SV2B: variants seen among roughly 807,000 people sequenced by gnomAD.
The protein encoded by SV2B is synaptic vesicle glycoprotein 2B.
In SV2B, 41 loss-of-function variants were observed where a neutral mutation model predicts 73.9. The observed-to-expected ratio is 0.56, with a 90% CI of 0.43 to 0.72. The LOEUF (loss-of-function observed/expected upper bound fraction) is 0.72, where lower values mean the gene tolerates loss of function less well. Ranked by LOEUF, SV2B falls within the 30% of genes least tolerant of loss-of-function variation. The probability of loss-of-function intolerance (pLI) is 0.00; values close to 1 mark genes in which losing one functional copy is unlikely to be tolerated. For synonymous variants in SV2B, 314 were observed against 314.2 expected, an observed-to-expected ratio of 1.00 and a Z score of 0.01; for missense variants, 764 against 857.8, an observed-to-expected ratio of 0.89 and a Z score of 1.37.
rs2042819939 is a variant in SV2B at position 91,136,221 on chromosome 15, A to G, written c.-392+35858A>G. 1.3e-5 allele frequency among the ~76,000 whole-genome samples: 2 copies of G among 152,224 alleles called. No homozygotes were observed. Among genetic ancestry groups the G allele is most frequent in the African/African-American group, 4.8e-5 (2 of 41,462 alleles). ...AGGGGCCTGCTGGAGAGAACTTAGC[A>G]GGATGCCATTCAGGTGGGCATACTC... is the stretch of plus-strand genomic sequence containing the variant. On this transcript the variant is annotated intron_variant, in intron 1 of 12. Transcript: ENST00000394232. This position sits in a 1 kb window ranked among gnomAD's most constrained non-coding sequence, Gnocchi z 5.6.
chr15:91,161,093 G>A (rs1321905550), intron 1 of SV2B, among the ~76,000 whole-genome samples: 1 of 152,172 alleles, frequency 6.6e-6, no homozygotes, highest in Non-Finnish European at 1.5e-5. Flanking sequence ...TTTATACAAA[G>A]TTTCTAGAAA....
At chr15:91,113,528 G>T (rs1037341669) in intron 1 of SV2B, among the ~76,000 whole-genome samples, 2 of 150,956 alleles carry the variant, frequency 1.3e-5, no homozygotes, top group Non-Finnish European at 2.9e-5. Flanking sequence ...AGATTAAAAG[G>T]TTATAGCTGG....
rs1321284692 is a variant in SV2B, at chr15:91,197,205, G to GT, written c.-391-28660dup. On this transcript the variant is annotated intron_variant, in intron 1 of 12. Transcript: ENST00000394232. This position sits in a 1 kb window ranked among gnomAD's most constrained non-coding sequence, Gnocchi z 4.9. Reference sequence around the variant, plus strand: ...GCTGTGATCATTGTTTTGTTTTTGTGTTTTTTTTGTTTTTTGTTTTGTTTT... The same window carrying GT: ...GCTGTGATCATTGTTTTGTTTTTGTGTTTTTTTTTGTTTTTTGTTTTGTTTT... 8.6e-4 allele frequency among the ~76,000 whole-genome samples: 128 copies of GT among 149,628 alleles called. No individual in the cohort carries two copies. Among genetic ancestry groups the GT allele is most frequent in the Admixed American group, 1.6e-3 (25 of 15,208 alleles).
chr15:91,278,678 C>CAAAAAAAAAAAA (rs746732650), intron 9 of SV2B, among the ~76,000 whole-genome samples: 454 of 42,274 alleles, frequency 0.011, 6 homozygotes, highest in Non-Finnish European at 0.016. Context: ...GACTCCGTCT[C>CAAAAAAAAAAAA]AAAAAAAAAA....
rs2042412928 is a variant in SV2B, at chr15:91,124,172, A to G, written c.-392+23809A>G. ...CTTTTCTCACCACATTCATTAAATT[A>G]TCAAAATTCTATAAGGATTTAAATG... On this transcript the variant is annotated intron_variant, in intron 1 of 12. Transcript: ENST00000394232. This position sits in a 1 kb window ranked among gnomAD's most constrained non-coding sequence, Gnocchi z 4.6. Among the ~76,000 whole-genome samples, 1 of 152,216 alleles carries G rather than the reference A, an allele frequency of 6.6e-6. No individual in the cohort carries two copies. Among genetic ancestry groups the G allele is most frequent in the African/African-American group, 2.4e-5 (1 of 41,456 alleles).
At chr15:91,202,915 C>T (rs962535953) in intron 1 of SV2B, among the ~76,000 whole-genome samples, 2 of 152,104 alleles carry the variant, frequency 1.3e-5, no homozygotes, top group Non-Finnish European at 2.9e-5. Flanking sequence ...CAGGCAATCC[C>T]TAGGAAGGAC....
chr15:91,270,113 T>G lies in SV2B; in HGVS notation c.1373+1508T>G, dbSNP rs142196152. On this transcript the variant is annotated intron_variant, in intron 9 of 12. Coordinates refer to ENST00000394232, the MANE Select transcript of SV2B (RefSeq NM_001323032.3). ...GGAAATATTGAAAACTAAGGGACAT[T>G]ATGGATGACTAGATGTCACCCATGG... 2.4e-3 allele frequency among the ~76,000 whole-genome samples: 358 copies of G among 152,304 alleles called. 1 individual carries two copies. Among genetic ancestry groups the G allele is most frequent in the African/African-American group, 8.1e-3 (337 of 41,550 alleles).
At chr15:91,108,471 G>GA (rs2041949883) in intron 1 of SV2B, among the ~76,000 whole-genome samples, 1 of 152,310 alleles carries the variant, frequency 6.6e-6, no homozygotes, top group Admixed American at 6.5e-5. Flanking sequence ...TGTTCTTCTG[G>GA]AAAGGTCTGT....
At chr15:91,238,147 G>T (rs375606775) in intron 2 of SV2B, among the ~76,000 whole-genome samples, 2 of 152,328 alleles carry the variant, frequency 1.3e-5, no homozygotes, top group East Asian at 1.9e-4. Flanking sequence ...GAATAAATCA[G>T]TTGTTTCCCA....
At chr15:91,260,438 AG>A in intron 6 of SV2B, 29 bp downstream of exon 6, 2 of 1,560,720 alleles carry the variant, frequency 1.3e-6, no homozygotes, top group Non-Finnish European at 1.7e-6. Flanking sequence ...GCCAATAAGA[AG>A]GGGGTTCTCC....
In SV2B at chr15:91,105,810, A is replaced by G. The variant is rs1411706183; in HGVS notation, c.-392+5447A>G. ...GAAGTTGTAATCCCAGCATTTTGGGAGGCCAAGGTGGGTGGATCACTTGAG... is the reference window on the plus strand; with the variant it reads ...GAAGTTGTAATCCCAGCATTTTGGGGGGCCAAGGTGGGTGGATCACTTGAG... On this transcript the variant is annotated intron_variant, in intron 1 of 12. Coordinates refer to ENST00000394232, the MANE Select transcript of SV2B (RefSeq NM_001323032.3). This position sits in a 1 kb window ranked among gnomAD's most constrained non-coding sequence, Gnocchi z 5.5. 6.6e-6 allele frequency among the ~76,000 whole-genome samples: 1 copy of G among 152,186 alleles called. No individual in the cohort carries two copies. The highest frequency in any genetic ancestry group is 1.9e-4 in the East Asian group (1 of 5,200).
chr15:91,280,380 T>C lies in SV2B; in HGVS notation c.1374-1348T>C, dbSNP rs2048645613. Among the ~76,000 whole-genome samples the C allele has an allele frequency of 6.6e-6, 1 of 152,206 alleles. No homozygotes were observed. Among genetic ancestry groups the C allele is most frequent in the Non-Finnish European group, 1.5e-5 (1 of 68,030 alleles). On this transcript the variant is annotated intron_variant, in intron 9 of 12. Coordinates refer to ENST00000394232, the MANE Select transcript of SV2B (RefSeq NM_001323032.3). The surrounding 1 kb of genome is among the most constrained non-coding windows in gnomAD (Gnocchi z 5.8). Reference sequence around the variant, plus strand: ...CACTGTATTGTAGTTGCCTATTTGCTTGCACTTTTTTCCAATTAGACTGGA... The same window carrying C: ...CACTGTATTGTAGTTGCCTATTTGCCTGCACTTTTTTCCAATTAGACTGGA...
In SV2B at chr15:91,242,707, A is replaced by T. The variant is rs16945424; in HGVS notation, c.452-9112A>T. ...AAGGGTGAATAGCAGAATAAGAGTAACCGTCATAGGATGAAGAGATCTGAC... is the reference window on the plus strand; with the variant it reads ...AAGGGTGAATAGCAGAATAAGAGTATCCGTCATAGGATGAAGAGATCTGAC... On this transcript the variant is annotated intron_variant, in intron 2 of 12. Coordinates refer to ENST00000394232, the MANE Select transcript of SV2B (RefSeq NM_001323032.3). This position sits in a 1 kb window ranked among gnomAD's most constrained non-coding sequence, Gnocchi z 4.9. Among the ~76,000 whole-genome samples, 12,220 of 152,200 alleles carry T rather than the reference A, an allele frequency of 0.08. 941 individuals are homozygous for T. Among genetic ancestry groups the T allele is most frequent in the African/African-American group, 0.21 (8,558 of 41,476 alleles).
At chr15:91,257,325 T>C (rs1291583096) in intron 4 of SV2B, among the ~76,000 whole-genome samples, 3 of 152,210 alleles carry the variant, frequency 2.0e-5, no homozygotes, top group Non-Finnish European at 2.9e-5. Flanking sequence ...AACCCACCAG[T>C]GCAGTTCGAT....
intron 2 of SV2B, among the ~76,000 whole-genome samples, chr15:91,228,179 GC>G (rs2046446700): frequency 6.6e-6 from 1 of 152,096 alleles, no homozygotes; most frequent in Non-Finnish European, 1.5e-5. Flanking sequence ...TAACTAAAGG[GC>G]CATTTGAAAT....
At position 91,283,949 on chromosome 15, in the gene SV2B, A is replaced by C; in HGVS notation, c.1508-72A>C. On this transcript the variant is annotated intron_variant, in intron 10 of 12. Transcript: ENST00000394232. This position sits in a 1 kb window ranked among gnomAD's most constrained non-coding sequence, Gnocchi z 4.3. ...CTGCCTACAGGAGGGGGCAGACTTC[A>C]TCCCTGCCTCTGCCTTTCTCTCTCC... 1 of 1,519,978 alleles carries C rather than the reference A, an allele frequency of 6.6e-7. No homozygotes were observed. The highest frequency in any genetic ancestry group is 9.1e-7 in the Non-Finnish European group (1 of 1,100,114). 94.2% of individuals were successfully genotyped at this position (1,519,978 alleles called of 1,614,324 possible).
rs779756168 is a variant in SV2B, at chr15:91,231,808, G to A, written c.451+5094G>A. On this transcript the variant is annotated intron_variant, in intron 2 of 12. Transcript: ENST00000394232. This position sits in a 1 kb window ranked among gnomAD's most constrained non-coding sequence, Gnocchi z 4.5. ...GGCTGTTAGTTTCTTGCCGTCTGCA[G>A]TGAAAAGACTCTGGGAGTTATACCT... Among the ~76,000 whole-genome samples the A allele has an allele frequency of 1.4e-4, 22 of 152,330 alleles. No homozygotes were observed. Among genetic ancestry groups the A allele is most frequent in the Non-Finnish European group, 2.4e-4 (16 of 68,032 alleles).
At chr15:91,120,330 C>T (rs2042296766) in intron 1 of SV2B, among the ~76,000 whole-genome samples, 1 of 152,126 alleles carries the variant, frequency 6.6e-6, no homozygotes, top group Non-Finnish European at 1.5e-5. Flanking sequence ...CACTTTTAAA[C>T]CATCAGATCT....
intron 2 of SV2B, among the ~76,000 whole-genome samples, chr15:91,233,895 A>G (rs893705724): frequency 2.0e-5 from 3 of 152,156 alleles, no homozygotes; most frequent in Non-Finnish European, 4.4e-5. Context: ...AGGTGGTTAC[A>G]CTCCAAAAGA....
Sources: gnomAD v4.1 joint callset for allele counts (sites outside exome capture counted in the v4.1 genomes callset) on GRCh38, gnomAD v4.1.1 for gene constraint, Gnocchi (gnomAD v3.1) non-coding constraint, MANE v1.5 for transcripts, NCBI Gene and HGNC (gene_info 2026-07-23, HGNC 2026-07-21) for gene names.